PCSK5: variants seen among roughly 807,000 people sequenced by gnomAD.
PCSK5 encodes the protein prohormone convertase 5.
Under a neutral mutation model 233.2 loss-of-function variants are expected in PCSK5, and 129 were observed. That is an observed-to-expected ratio of 0.55 (90% CI 0.48 to 0.64). PCSK5 has a LOEUF of 0.64. Ranked by LOEUF, PCSK5 falls within the 30% of genes least tolerant of loss-of-function variation. The pLI is 0.00. For missense variants in PCSK5, 2,076 were observed against 2,430.1 expected, an observed-to-expected ratio of 0.85 and a Z score of 3.06; for synonymous variants, 825 against 879.2, an observed-to-expected ratio of 0.94 and a Z score of 1.09.
intron 1 of PCSK5, among the ~76,000 whole-genome samples, chr9:75,898,267 CAT>C (rs1469570554): frequency 2.0e-5 from 3 of 152,162 alleles, no homozygotes; most frequent in Admixed American, 6.5e-5. Flanking sequence ...AGTTCTGAAA[CAT>C]ATTTAAATCC....
At chr9:76,006,094 A>G (rs950804762) in intron 3 of PCSK5, among the ~76,000 whole-genome samples, 5 of 148,686 alleles carry the variant, frequency 3.4e-5, no homozygotes, top group Non-Finnish European at 5.9e-5. Flanking sequence ...GGCTTGTTTG[A>G]TGGGTGAGAA....
chr9:76,308,365 TGAGG>T (rs1388107575), intron 28 of PCSK5, among the ~76,000 whole-genome samples: 1 of 152,252 alleles, frequency 6.6e-6, no homozygotes, highest in Non-Finnish European at 1.5e-5. Flanking sequence ...CCACAGTATT[TGAGG>T]CTATCTTGTA....
intron 12 of PCSK5, among the ~76,000 whole-genome samples, chr9:76,165,884 T>C (rs1439549836): frequency 1.3e-5 from 2 of 152,184 alleles, no homozygotes; most frequent in East Asian, 3.9e-4. Flanking sequence ...GATCCCACAA[T>C]TGGAATCTCC....
intron 2 of PCSK5, among the ~76,000 whole-genome samples, chr9:75,939,957 T>A (rs1824225827): frequency 6.6e-6 from 1 of 152,216 alleles, no homozygotes; most frequent in Non-Finnish European, 1.5e-5. Context: ...CACGTGGATG[T>A]GTGTGGCTGC....
intron 8 of PCSK5, among the ~76,000 whole-genome samples, chr9:76,103,642 G>A (rs1831855956): frequency 6.6e-6 from 1 of 152,174 alleles, no homozygotes; most frequent in African/African-American, 2.4e-5. Context: ...TGTCATCAAA[G>A]GATGATGACA....
chr9:75,942,873 T>TTTC (rs1225257036), intron 2 of PCSK5, among the ~76,000 whole-genome samples: 2 of 135,914 alleles, frequency 1.5e-5, no homozygotes, highest in African/African-American at 2.7e-5. Context: ...TGGTATTTCT[T>TTTC]TTCTTCTTCT....
At chr9:76,259,607 T>C (rs1455811893) in intron 24 of PCSK5, among the ~76,000 whole-genome samples, 1 of 152,110 alleles carries the variant, frequency 6.6e-6, no homozygotes, top group Non-Finnish European at 1.5e-5. Flanking sequence ...AAATGTAACT[T>C]CCAGGCAGGC....
chr9:76,048,659 T>A (rs1015880747), intron 5 of PCSK5, among the ~76,000 whole-genome samples: 3 of 152,156 alleles, frequency 2.0e-5, no homozygotes, highest in African/African-American at 7.2e-5. Context: ...ACCTATAAGG[T>A]GGGGATAAAA....
At chr9:76,341,413 AAT>A (rs1829831184) in intron 35 of PCSK5, among the ~76,000 whole-genome samples, 1 of 152,158 alleles carries the variant, frequency 6.6e-6, no homozygotes, top group South Asian at 2.1e-4. Flanking sequence ...ATCTGATTTA[AAT>A]TCATGTTCTA....
intron 24 of PCSK5, among the ~76,000 whole-genome samples, chr9:76,281,799 C>T (rs1245713990): frequency 1.3e-5 from 2 of 152,144 alleles, no homozygotes; most frequent in African/African-American, 4.8e-5. Flanking sequence ...CAGGTGTATG[C>T]CACCACACTA....
intron 1 of PCSK5, among the ~76,000 whole-genome samples, chr9:75,908,917 A>C (rs867812513): frequency 1.3e-3 from 151 of 116,540 alleles, no homozygotes; most frequent in Middle Eastern, 4.6e-3. Flanking sequence ...CTATCTATCT[A>C]TCTATCTCTC....
chr9:76,107,403 GAAAAC>G, intron 9 of PCSK5, 52 bp downstream of exon 9: 1 of 1,183,388 alleles, frequency 8.5e-7, no homozygotes, highest in Non-Finnish European at 1.2e-6. Flanking sequence ...TGATCTCAGG[GAAAAC>G]GTACCCCTTC....
intron 3 of PCSK5, among the ~76,000 whole-genome samples, chr9:75,987,540 C>CT (rs1454050952): frequency 6.6e-5 from 10 of 152,082 alleles, no homozygotes; most frequent in African/African-American, 2.4e-4. Flanking sequence ...GTGAATGTGG[C>CT]TGGTATTTCT....
intron 7 of PCSK5, among the ~76,000 whole-genome samples, chr9:76,094,206 G>A (rs192466391): frequency 2.6e-5 from 4 of 152,232 alleles, no homozygotes; most frequent in Admixed American, 2.6e-4. Flanking sequence ...TCAAGGTCAG[G>A]AAGAGTTTAT....
intron 2 of PCSK5, among the ~76,000 whole-genome samples, chr9:75,963,862 G>C (rs925917703): frequency 3.3e-5 from 5 of 152,154 alleles, no homozygotes; most frequent in African/African-American, 7.2e-5. Flanking sequence ...CTGGGTGACA[G>C]AGCGAGACTT....
At chr9:75,986,842 T>A (rs1826537615) in intron 3 of PCSK5, among the ~76,000 whole-genome samples, 1 of 152,180 alleles carries the variant, frequency 6.6e-6, no homozygotes, top group South Asian at 2.1e-4. Context: ...GGAAGAGTAA[T>A]CCACCAGTTT....
At chr9:76,284,743 G>T (rs1272884473) in intron 24 of PCSK5, among the ~76,000 whole-genome samples, 1 of 151,846 alleles carries the variant, frequency 6.6e-6, no homozygotes, top group Non-Finnish European at 1.5e-5. Flanking sequence ...TGTTGGTCAG[G>T]TTGGTCTCAA....
chr9:76,091,827 A>G (rs767596457), intron 7 of PCSK5, among the ~76,000 whole-genome samples: 1 of 152,054 alleles, frequency 6.6e-6, no homozygotes, highest in African/African-American at 2.4e-5. Context: ...GGGAGTGTTT[A>G]TTGACCCCAT....
rs1216593409 is a variant in PCSK5, at chr9:76,181,458, G to A, written c.2064G>A (p.Lys688=). ...HYHADKKRCR[K]CAPNCESCFG... ...ACGCCGACAAGAAGCGCTGCAGGAAGTGTGCCCCCAACTGTGAGTCCTGCT... is the reference window on the plus strand; with the variant it reads ...ACGCCGACAAGAAGCGCTGCAGGAAATGTGCCCCCAACTGTGAGTCCTGCT... Residue 688 remains lysine (K), a synonymous_variant, in exon 16 of 38, where the codon AAG becomes AAA. Transcript: ENST00000674117. 3 of 1,613,980 alleles carry A rather than the reference G, an allele frequency of 1.9e-6. No individual in the cohort carries two copies. Among genetic ancestry groups the A allele is most frequent in the Non-Finnish European group, 2.5e-6 (3 of 1,179,986 alleles).
Sources: gnomAD v4.1 joint callset for allele counts (sites outside exome capture counted in the v4.1 genomes callset) on GRCh38, gnomAD v4.1.1 for gene constraint, MANE v1.5 for transcripts, NCBI Gene and HGNC (gene_info 2026-07-23, HGNC 2026-07-21) for gene names.